Variants in FABP3 observed in about 807,000 individuals in gnomAD.
The protein encoded by FABP3 is fatty acid-binding protein, heart.
A neutral mutation model predicts 13.4 loss-of-function variants in FABP3; 8 were observed. The observed-to-expected ratio is 0.60, with a 90% CI of 0.35 to 1.07. The LOEUF (loss-of-function observed/expected upper bound fraction) is 1.07. Among genes scored for constraint, FABP3 ranks in the 50% least tolerant of loss-of-function variants. FABP3 has a pLI of 0.02. For missense variants in FABP3, 135 were observed against 164.7 expected (o/e 0.82, Z 0.99); for synonymous variants, 64 against 60.0 (o/e 1.07, Z -0.31).
the FABP3 span, among the ~76,000 whole-genome samples, chr1:31,360,033 T>C: frequency 6.6e-6 from 1 of 151,488 alleles, no homozygotes; most frequent in Non-Finnish European, 1.5e-5. Context: ...CAGGCTGGAG[T>C]GCAATGGCAC....
downstream of FABP3, among the ~76,000 whole-genome samples, chr1:31,361,287 G>C (rs930468294): frequency 6.6e-6 from 1 of 152,144 alleles, no homozygotes; most frequent in African/African-American, 2.4e-5. Flanking sequence ...ACTTTGACTT[G>C]TCTCCTGTAG....
downstream of FABP3, among the ~76,000 whole-genome samples, chr1:31,362,323 G>A (rs1163783999): frequency 6.6e-6 from 1 of 152,194 alleles, no homozygotes; most frequent in African/African-American, 2.4e-5. Flanking sequence ...CTCTGAGGCT[G>A]CTGGTTGGAA....
rs769517856 is a variant in FABP3, at chr1:31,367,499, G to A, written c.247-5C>T. On this transcript the variant is annotated splice_region_variant and splice_polypyrimidine_tract_variant and intron_variant, in intron 2 of 3. Transcript: ENST00000373713. The stretch of plus-strand genomic sequence containing the variant: ...TCCATCCAGTGTCACAATGGACTGT[G>A]GAAAGAGGGTAGAGGCCTGAGCTGT... The A allele has an allele frequency of 2.5e-6, 4 of 1,612,506 alleles. No homozygotes were observed. The highest frequency in any genetic ancestry group is 3.4e-6 in the Non-Finnish European group (4 of 1,178,516).
At chr1:31,361,958 C>T (rs959626490), downstream of FABP3, among the ~76,000 whole-genome samples, 6 of 152,006 alleles carry the variant, frequency 3.9e-5, no homozygotes, top group East Asian at 3.9e-4. Flanking sequence ...ACTACAGGCC[C>T]GCGTAACCAC....
At chr1:31,367,124 GTAT>G (rs1315298496) in intron 3 of FABP3, among the ~76,000 whole-genome samples, 2 of 152,166 alleles carry the variant, frequency 1.3e-5, no homozygotes, top group Non-Finnish European at 2.9e-5. Context: ...TACAAGGTTG[GTAT>G]TATTAATACC....
At chr1:31,364,583 T>C (rs142204300), downstream of FABP3, 90 of 204,478 alleles carry the variant, frequency 4.4e-4, no homozygotes, top group Middle Eastern at 0.014. Flanking sequence ...TTAGAGTGAT[T>C]GGACCCTTCC....
chr1:31,369,562 G>C lies in FABP3; in HGVS notation c.74-5C>G. 6.2e-7 allele frequency: 1 copy of C among 1,614,018 alleles called. No individual in the cohort carries two copies. Among genetic ancestry groups the C allele is most frequent in the Non-Finnish European group, 8.5e-7 (1 of 1,179,942 alleles). ...GCCTGGTAGCAAAACCCACACCTGAGGGTAGGGGGAAGGTTATGAGTATAT... is the reference window on the plus strand; with the variant it reads ...GCCTGGTAGCAAAACCCACACCTGACGGTAGGGGGAAGGTTATGAGTATAT... On this transcript the variant is annotated splice_region_variant and splice_polypyrimidine_tract_variant and intron_variant, in intron 1 of 3. Transcript: ENST00000373713.
chr1:31,365,691 CTA>C lies in FABP3; in HGVS notation c.*193_*194del, dbSNP rs1640091729. 1 of 545,034 alleles carries C rather than the reference CTA, an allele frequency of 1.8e-6. No individual in the cohort carries two copies. The highest frequency in any genetic ancestry group is 3.2e-5 in the Admixed American group (1 of 31,692). 33.8% of individuals were successfully genotyped at this position (545,034 alleles called of 1,614,324 possible). ...TCTGCTTTATTGACCTCAGAGCACC[CTA>C]TGAGTGCAGTTAAAAAAAAAAAAAA... On this transcript the variant is annotated 3_prime_UTR_variant, in exon 4 of 4. Coordinates refer to ENST00000373713, the MANE Select transcript of FABP3 (RefSeq NM_004102.5).
chr1:31,361,940 T>C (rs1002749572), downstream of FABP3, among the ~76,000 whole-genome samples: 1 of 152,032 alleles, frequency 6.6e-6, no homozygotes, highest in African/African-American at 2.4e-5. Flanking sequence ...GCTTCCTGAG[T>C]AGCTGGGACT....
chr1:31,366,062 A>ATGTGTGTGTGTGTGTG (rs3049341), intron 3 of FABP3, 123 bp from the exon 4 acceptor site: 2 of 575,846 alleles, frequency 3.5e-6, no homozygotes, highest in South Asian at 2.0e-5. Flanking sequence ...ATATGTATGT[A>ATGTGTGTGTGTGTGTG]TGTGTGTGTG....
At position 31,369,374 on chromosome 1, in the gene FABP3, C is replaced by T; in HGVS notation, c.246+11G>A. On this transcript the variant is annotated intron_variant, in intron 2 of 3. Transcript: ENST00000373713. Reference sequence around the variant, plus strand: ...CACTCTCCATTCCCCACCCCTGTTTCCCTGACTTACCTTGACCTTCCTGTC... The same window carrying T: ...CACTCTCCATTCCCCACCCCTGTTTTCCTGACTTACCTTGACCTTCCTGTC... 2 of 1,613,468 alleles carry T rather than the reference C, an allele frequency of 1.2e-6. No homozygotes were observed. The highest frequency in any genetic ancestry group is 1.1e-5 in the South Asian group (1 of 90,976).
downstream of FABP3, among the ~76,000 whole-genome samples, chr1:31,361,761 G>A (rs569078171): frequency 1.2e-4 from 18 of 151,718 alleles, no homozygotes; most frequent in South Asian, 3.6e-3. Flanking sequence ...GTCACCATAG[G>A]TGTTTTTTTT....
downstream of FABP3, chr1:31,365,095 G>A (rs16834408): frequency 0.21 from 31,953 of 152,208 alleles, 3,707 homozygotes; most frequent in African/African-American, 0.3. Flanking sequence ...GCAGATCACT[G>A]CCTTCTTGGG....
chr1:31,366,485 C>G (rs1407670341), intron 3 of FABP3, among the ~76,000 whole-genome samples: 1 of 152,200 alleles, frequency 6.6e-6, no homozygotes, highest in Non-Finnish European at 1.5e-5. Context: ...TCCTGCATAT[C>G]ACATCCCCAC....
At chr1:31,369,593 G>A (rs1640173479) in intron 1 of FABP3, 36 bp from the exon 2 acceptor site, 1 of 1,605,444 alleles carries the variant, frequency 6.2e-7, no homozygotes. Flanking sequence ...TATATGAGCT[G>A]GGGTAGAGAA....
intron 2 of FABP3, among the ~76,000 whole-genome samples, chr1:31,368,395 A>G (rs142676784): frequency 3.9e-4 from 60 of 152,080 alleles, no homozygotes; most frequent in Middle Eastern, 3.4e-3. Flanking sequence ...CCACAGGGCT[A>G]TTGTGTTTAA....
intron 1 of FABP3, among the ~76,000 whole-genome samples, chr1:31,372,388 G>A (rs1205456769): frequency 6.6e-6 from 1 of 152,162 alleles, no homozygotes; most frequent in East Asian, 1.9e-4. Flanking sequence ...TCTCCAGCAA[G>A]AATTCTCTTC....
chr1:31,365,966 G>A, intron 3 of FABP3, 27 bp from the exon 4 acceptor site: 3 of 1,610,960 alleles, frequency 1.9e-6, no homozygotes, highest in Non-Finnish European at 2.5e-6. Context: ...AGTGAGATGG[G>A]GGGTGGAGCC....
chr1:31,372,832 C>A lies in FABP3; in HGVS notation c.73+110G>T, dbSNP rs1414953227. 11 of 1,090,500 alleles carry A rather than the reference C, an allele frequency of 1.0e-5. No homozygotes were observed. The East Asian group carries it at 2.6e-4, about 26-fold the overall frequency. The allele number at this position is 1,090,500 out of a possible 1,614,324, so 67.6% of individuals were successfully genotyped here. ...AGGCCAGGCTGCCATCTCCGCGCTC[C>A]CCTATTCCCCAGTCTTAACCAGGAG... On this transcript the variant is annotated intron_variant, in intron 1 of 3. Transcript: ENST00000373713.
Sources: gnomAD v4.1 joint callset for allele counts (sites outside exome capture counted in the v4.1 genomes callset) on GRCh38, gnomAD v4.1.1 for gene constraint, MANE v1.5 for transcripts, NCBI Gene and HGNC (gene_info 2026-07-23, HGNC 2026-07-21) for gene names.